Variants in COQ4 observed in about 807,000 individuals in gnomAD.
COQ4 encodes the protein ubiquinone biosynthesis protein COQ4 homolog, mitochondrial.
COQ4 carries 36 observed loss-of-function variants against 30.2 expected under a neutral mutation model. The observed-to-expected ratio is 1.19, with a 90% confidence interval of 0.91 to 1.57. The LOEUF is 1.57. COQ4 is among the 40% of genes most tolerant of loss of function. The pLI, the probability that COQ4 is intolerant of heterozygous loss-of-function variation, is 0.00. For missense variants in COQ4, 369 were observed against 371.9 expected (o/e 0.99, Z 0.07); for synonymous variants, 197 against 161.0 (o/e 1.22, Z -1.69).
At chr9:128,325,500 CAT>C (rs1470873749) in intron 3 of COQ4, among the ~76,000 whole-genome samples, 2 of 152,220 alleles carry the variant, frequency 1.3e-5, no homozygotes, top group African/African-American at 2.4e-5. Context: ...GTTCCCATAA[CAT>C]GTGCTGGCTT....
Position 128,323,050 on chromosome 9 carries a change from C to T in COQ4, c.105C>T (p.Gly35=). 1 of 1,612,210 alleles carries T rather than the reference C, an allele frequency of 6.2e-7. No individual in the cohort carries two copies. Among genetic ancestry groups the T allele is most frequent in the Middle Eastern group, 1.7e-4 (1 of 6,054 alleles). ...MPLRARSDGA[G]PLYSHHLPTS... Reference sequence around the variant, plus strand: ...TCCGGGCTAGGAGCGACGGCGCCGGCCCGCTATACTCGCACCACCTCCCCA... The same window carrying T: ...TCCGGGCTAGGAGCGACGGCGCCGGTCCGCTATACTCGCACCACCTCCCCA... The change falls in exon 2 of 7, where the codon GGC becomes GGT. Residue 35 remains glycine, a synonymous_variant. Transcript: ENST00000300452.
At position 128,323,011 on chromosome 9, in the gene COQ4, C is replaced by T. The variant is rs760080044; in HGVS notation, c.71-5C>T. Reference sequence around the variant, plus strand: ...TCTGACCTCGGCCTTTTTCTTGCCCCGCAGAAATGCCCCTCCGGGCTAGGA... The same window carrying T: ...TCTGACCTCGGCCTTTTTCTTGCCCTGCAGAAATGCCCCTCCGGGCTAGGA... On this transcript the variant is annotated splice_region_variant and splice_polypyrimidine_tract_variant and intron_variant, in intron 1 of 6. Coordinates refer to ENST00000300452, the MANE Select transcript of COQ4 (RefSeq NM_016035.5). The T allele has an allele frequency of 6.2e-7, 1 of 1,611,440 alleles. No individual in the cohort carries two copies. The highest frequency in any genetic ancestry group is 8.5e-7 in the Non-Finnish European group (1 of 1,179,776).
Position 128,332,811 on chromosome 9 carries a change from G to A in COQ4, c.533-39G>A, listed in dbSNP as rs777249349. 1.8e-5 allele frequency: 27 copies of A among 1,477,212 alleles called. 1 individual carries two copies. In the South Asian group the frequency reaches 2.6e-4, roughly 14 times the overall value. 91.5% of individuals were successfully genotyped at this position (1,477,212 alleles called of 1,614,324 possible). The stretch of plus-strand genomic sequence containing the variant: ...GTGAGCACCACTGGCCTTTCCTTCA[G>A]ATAGCTTGTTCACCTCCCAACACAT... On this transcript the variant is annotated intron_variant, in intron 5 of 6. Coordinates refer to ENST00000300452, the MANE Select transcript of COQ4 (RefSeq NM_016035.5).
chr9:128,331,928 C>T (rs1357009426), intron 4 of COQ4: 5 of 430,394 alleles, frequency 1.2e-5, no homozygotes, highest in East Asian at 4.2e-5. Flanking sequence ...AGGGTTTCAC[C>T]GTATTGGTCA....
chr9:128,327,822 C>T (rs1336947982), intron 4 of COQ4, among the ~76,000 whole-genome samples: 1 of 152,172 alleles, frequency 6.6e-6, no homozygotes, highest in Non-Finnish European at 1.5e-5. Context: ...AAAAGTATAC[C>T]AGCACTATTG....
intron 4 of COQ4, 29 bp from the exon 5 acceptor site, chr9:128,332,124 G>T: frequency 6.4e-7 from 1 of 1,551,054 alleles, no homozygotes; most frequent in African/African-American, 1.4e-5. Context: ...CCATCAGGAA[G>T]GGTTCTAGGG....
intron 4 of COQ4, chr9:128,326,138 T>TCC: frequency 1.7e-6 from 1 of 572,292 alleles, no homozygotes; most frequent in African/African-American, 1.9e-5. Context: ...TCTTGCTGAA[T>TCC]CCCCCCACAA....
At chr9:128,326,552 C>T (rs1832324843) in intron 4 of COQ4, among the ~76,000 whole-genome samples, 1 of 152,086 alleles carries the variant, frequency 6.6e-6, no homozygotes, top group Non-Finnish European at 1.5e-5. Flanking sequence ...ACGCCATTCT[C>T]CTGCCTCAGC....
At chr9:128,326,315 C>T (rs949743508) in intron 4 of COQ4, 3 of 200,152 alleles carry the variant, frequency 1.5e-5, no homozygotes, top group Non-Finnish European at 3.0e-5. Flanking sequence ...ATTCCAGGGA[C>T]ATTGCTTTCC....
At chr9:128,329,097 G>A (rs1395088413) in intron 4 of COQ4, among the ~76,000 whole-genome samples, 3 of 152,174 alleles carry the variant, frequency 2.0e-5, no homozygotes, top group Non-Finnish European at 4.4e-5. Context: ...CTACAGGCAT[G>A]GGCTTGAGAA....
At chr9:128,332,749 GAGA>G (rs1227431425) in intron 5 of COQ4, 98 bp from the exon 6 acceptor site, 2 of 925,636 alleles carry the variant, frequency 2.2e-6, no homozygotes, top group Non-Finnish European at 3.6e-6. Flanking sequence ...TGACCCCGTA[GAGA>G]TTAGGGAGGA....
Position 128,323,160 on chromosome 9 carries a change from G to T in COQ4, c.202+13G>T, listed in dbSNP as rs1273978629. Reference sequence around the variant, plus strand: ...CCCTACCGCCACGGTAAGGCCGCCCGCGCCTCGCCCCCGTGGGGGCGGCTT... The same window carrying T: ...CCCTACCGCCACGGTAAGGCCGCCCTCGCCTCGCCCCCGTGGGGGCGGCTT... On this transcript the variant is annotated intron_variant, in intron 2 of 6. Coordinates refer to ENST00000300452, the MANE Select transcript of COQ4 (RefSeq NM_016035.5). The T allele has an allele frequency of 6.3e-7, 1 of 1,575,964 alleles. No homozygotes were observed. Among genetic ancestry groups the T allele is most frequent in the African/African-American group, 1.4e-5 (1 of 72,988 alleles).
chr9:128,332,877 C>T lies in COQ4; in HGVS notation c.560C>T (p.Ala187Val), dbSNP rs1293996168. 2 of 1,613,932 alleles carry T rather than the reference C, an allele frequency of 1.2e-6. No individual in the cohort carries two copies. The highest frequency in any genetic ancestry group is 2.7e-5 in the African/African-American group (2 of 74,936). ...GAGATCGTGGTGAAATGGTTTGAGGCTGTCCAGACTGGCCTGCCCATGTGC... is the reference window on the plus strand; with the variant it reads ...GAGATCGTGGTGAAATGGTTTGAGGTTGTCCAGACTGGCCTGCCCATGTGC... The part of the protein sequence containing the change: ...LGEIVVKWFE[A>V]VQTGLPMCIL... Residue 187 changes from alanine to valine, a missense_variant, in exon 6 of 7, where the codon GCT becomes GTT. Ala to Val is a moderately conservative substitution (Grantham distance 64, BLOSUM62 0). Coordinates refer to ENST00000300452, the MANE Select transcript of COQ4 (RefSeq NM_016035.5).
chr9:128,330,385 T>A (rs966186563), intron 4 of COQ4: 43 of 151,726 alleles, frequency 2.8e-4, no homozygotes, highest in African/African-American at 9.4e-4. Flanking sequence ...AAAATAAAAA[T>A]AAAAATAAAT....
In COQ4 at chr9:128,322,921, T is replaced by A. The variant is rs1356315341; in HGVS notation, c.63T>A (p.Pro21=). Residue 21 remains proline, a synonymous_variant, in exon 1 of 7, where the codon CCT becomes CCA. Transcript: ENST00000300452. Reference sequence around the variant, plus strand: ...GCGGGCTCCCGGGCCTACAGCGGCCTGCGGCAGGCAAGTGGCGCCGGGTTC... The same window carrying A: ...GCGGGCTCCCGGGCCTACAGCGGCCAGCGGCAGGCAAGTGGCGCCGGGTTC... ...RLCGLPGLQR[P]AAEMPLRARS... 4 of 1,600,204 alleles carry A rather than the reference T, an allele frequency of 2.5e-6. No homozygotes were observed. Among genetic ancestry groups the A allele is most frequent in the Non-Finnish European group, 3.4e-6 (4 of 1,177,588 alleles).
chr9:128,325,797 G>A lies in COQ4; in HGVS notation c.318G>A (p.Ser106=), dbSNP rs2270203. Residue 106 remains serine, a synonymous_variant, in exon 4 of 7, where the codon TCG becomes TCA. Coordinates refer to ENST00000300452, the MANE Select transcript of COQ4 (RefSeq NM_016035.5). The part of the protein sequence containing the change: ...AQILQERPRI[S]TSTLDLGKLQ... ...CTTTCAGGGAGCGTCCCCGGATTTC[G>A]ACATCCACCCTCGACCTGGGCAAGC... 0.06 allele frequency: 96,149 copies of A among 1,613,770 alleles called. 4,543 individuals are homozygous for A. Among genetic ancestry groups the A allele is most frequent in the East Asian group, 0.22 (9,673 of 44,872 alleles).
At chr9:128,323,635 C>G (rs1588536380) in intron 2 of COQ4, 3 of 320,970 alleles carry the variant, frequency 9.3e-6, no homozygotes, top group Admixed American at 4.9e-5. Flanking sequence ...TTTTTGAGTT[C>G]TGGGAAGTAC....
In COQ4 at chr9:128,333,826, G is replaced by A; in HGVS notation, c.*181G>A. On this transcript the variant is annotated 3_prime_UTR_variant, in exon 7 of 7. Coordinates refer to ENST00000300452, the MANE Select transcript of COQ4 (RefSeq NM_016035.5). Reference sequence around the variant, plus strand: ...GGACGAACCCCGCAGGGAGCAAGCAGTACAGTGGCATTCCCAGGGGGACCA... The same window carrying A: ...GGACGAACCCCGCAGGGAGCAAGCAATACAGTGGCATTCCCAGGGGGACCA... The A allele has an allele frequency of 2.1e-6, 1 of 468,708 alleles. No homozygotes were observed. The highest frequency in any genetic ancestry group is 3.6e-6 in the Non-Finnish European group (1 of 274,890). 29.0% of individuals were successfully genotyped at this position (468,708 alleles called of 1,614,324 possible).
intron 4 of COQ4, among the ~76,000 whole-genome samples, chr9:128,327,515 C>G (rs1248705890): frequency 6.6e-6 from 1 of 151,958 alleles, no homozygotes; most frequent in Non-Finnish European, 1.5e-5. Context: ...TATTCTGGCA[C>G]TGGTCCATGC....
Sources: allele counts gnomAD v4.1 joint callset (sites outside exome capture counted in the v4.1 genomes callset), GRCh38; gene constraint gnomAD v4.1.1; transcripts MANE v1.5; gene names NCBI Gene and HGNC (gene_info 2026-07-23, HGNC 2026-07-21).